CEP63: variants seen among roughly 807,000 people sequenced by gnomAD.
The protein encoded by CEP63 is centrosomal protein 63, also known as centrosomal protein of 63 kDa.
In CEP63, 84 loss-of-function variants were observed where a neutral mutation model predicts 89.1. The observed-to-expected ratio is 0.94, with a 90% CI of 0.79 to 1.13. The LOEUF is 1.13. Among genes scored for constraint, CEP63 ranks in the 50% most tolerant of loss-of-function variants. The pLI, the probability that CEP63 is intolerant of heterozygous loss-of-function variation, is 0.00. For missense variants in CEP63, 838 were observed against 813.3 expected (o/e 1.03, Z -0.37); for synonymous variants, 267 against 272.5 (o/e 0.98, Z 0.20).
chr3:134,750,447 A>T, the CEP63 span, among the ~76,000 whole-genome samples: 1 of 152,178 alleles, frequency 6.6e-6, no homozygotes, highest in African/African-American at 2.4e-5. Context: ...CATCTCTCTC[A>T]GCAGCTCATA....
chr3:134,608,966 G>T, the CEP63 span: 66 of 1,076,436 alleles, frequency 6.1e-5, no homozygotes, highest in Non-Finnish European at 8.3e-5. Flanking sequence ...CCTAACATGG[G>T]CACTGGAGAC....
chr3:134,532,692 GCT>G lies in CEP63; in HGVS notation c.319-83_319-82del, dbSNP rs933368885. On this transcript the variant is annotated intron_variant, in intron 4 of 14. Transcript: ENST00000675561. ...GTTCTCAGTAGTACTGGTTAGCACT[GCT>G]CTTGTTTTCATAATACCAATTTGTC... 1.3e-5 allele frequency: 14 copies of G among 1,102,030 alleles called. No homozygotes were observed. In the African/African-American group the frequency reaches 1.9e-4, roughly 15 times the overall value. 68.3% of individuals were successfully genotyped at this position (1,102,030 alleles called of 1,614,324 possible).
At chr3:134,498,810 T>A (rs533744628) in intron 2 of CEP63, among the ~76,000 whole-genome samples, 1 of 152,368 alleles carries the variant, frequency 6.6e-6, no homozygotes, top group South Asian at 2.1e-4. Flanking sequence ...GATGATCATA[T>A]GGTTTTTGTC....
chr3:134,663,919 G>A, the CEP63 span, among the ~76,000 whole-genome samples: 1 of 152,194 alleles, frequency 6.6e-6, no homozygotes, highest in African/African-American at 2.4e-5. Context: ...CTGCCATCCT[G>A]TCCTCCCTAC....
chr3:134,771,453 A>G, the CEP63 span, among the ~76,000 whole-genome samples: 1 of 152,174 alleles, frequency 6.6e-6, no homozygotes, highest in South Asian at 2.1e-4. Flanking sequence ...CACCTGGAGG[A>G]TTTATTAAAA....
the CEP63 span, chr3:134,651,081 C>T: frequency 5.8e-5 from 89 of 1,528,450 alleles, no homozygotes; most frequent in Non-Finnish European, 7.5e-5. Context: ...AGAGGGCGCT[C>T]CCCCGCCGCT....
intron 10 of CEP63, among the ~76,000 whole-genome samples, chr3:134,580,545 ACTTTTT>A (rs1393505305): frequency 1.3e-5 from 2 of 152,250 alleles, no homozygotes; most frequent in Non-Finnish European, 2.9e-5. Context: ...ATTCTTTTCA[ACTTTTT>A]CTTTTAGGCT....
rs1000786257 is a variant in CEP63, at chr3:134,561,923, A to C, written c.*388A>C. 5 of 1,055,132 alleles carry C rather than the reference A, an allele frequency of 4.7e-6. No individual in the cohort carries two copies. In the Admixed American group the frequency reaches 2.5e-4, roughly 53 times the overall value. 65.4% of individuals were successfully genotyped at this position (1,055,132 alleles called of 1,614,324 possible). ...TTCTTTAGGGGAAATGTGTAGAAGC[A>C]TGGATTTAGGGGTCAAACATACCTG... On this transcript the variant is annotated 3_prime_UTR_variant, in exon 15 of 15. Transcript: ENST00000675561.
chr3:134,762,635 G>T, the CEP63 span, among the ~76,000 whole-genome samples: 1 of 152,180 alleles, frequency 6.6e-6, no homozygotes, highest in Non-Finnish European at 1.5e-5. Flanking sequence ...ATAGGGAGAA[G>T]ACAGCCATTT....
the CEP63 span, among the ~76,000 whole-genome samples, chr3:134,679,252 T>C: frequency 6.6e-6 from 1 of 152,234 alleles, no homozygotes; most frequent in African/African-American, 2.4e-5. Flanking sequence ...GTTAAACCCA[T>C]TTTATTGAAG....
At chr3:134,765,921 T>C in the CEP63 span, among the ~76,000 whole-genome samples, 4 of 152,212 alleles carry the variant, frequency 2.6e-5, no homozygotes, top group Non-Finnish European at 5.9e-5. Context: ...CTACAGTGCC[T>C]GCAGCACAGA....
the CEP63 span, among the ~76,000 whole-genome samples, chr3:134,595,823 A>G: frequency 6.6e-6 from 1 of 152,190 alleles, no homozygotes; most frequent in African/African-American, 2.4e-5. Flanking sequence ...TCAGAGGATC[A>G]GCCTTGAGGA....
chr3:134,653,713 G>A, the CEP63 span, among the ~76,000 whole-genome samples: 2 of 152,176 alleles, frequency 1.3e-5, no homozygotes, highest in Non-Finnish European at 2.9e-5. Context: ...TTCAAGTAGA[G>A]GCTGTATCCC....
At chr3:134,726,455 G>GACACACACACACACAC in the CEP63 span, among the ~76,000 whole-genome samples, 1 of 51,070 alleles carries the variant, frequency 2.0e-5, no homozygotes, top group African/African-American at 4.5e-5. Flanking sequence ...CAGGCACACA[G>GACACACACACACACAC]ACAGACACAC....
chr3:134,704,425 A>G, the CEP63 span, among the ~76,000 whole-genome samples: 1 of 152,012 alleles, frequency 6.6e-6, no homozygotes, highest in Admixed American at 6.6e-5. Context: ...GGAGAGAGAG[A>G]GAGAACGAAA....
At chr3:134,769,566 T>G in the CEP63 span, among the ~76,000 whole-genome samples, 20,931 of 152,296 alleles carry the variant, frequency 0.14, 1,568 homozygotes, top group Middle Eastern at 0.18. Context: ...TGAAAATTAC[T>G]GGCCAGGTGC....
chr3:134,485,991 G>GGCC, upstream of CEP63: 183 of 937,754 alleles, frequency 2.0e-4, no homozygotes, highest in Middle Eastern at 5.4e-4. Context: ...CTCCTGCCAC[G>GGCC]CCCCCCCCCC....
At chr3:134,740,898 G>C in the CEP63 span, among the ~76,000 whole-genome samples, 1 of 152,142 alleles carries the variant, frequency 6.6e-6, no homozygotes, top group Admixed American at 6.5e-5. Flanking sequence ...TTTAATATTT[G>C]ACAACATCTT....
chr3:134,751,510 G>C, the CEP63 span, among the ~76,000 whole-genome samples: 1 of 152,252 alleles, frequency 6.6e-6, no homozygotes, highest in East Asian at 1.9e-4. Context: ...CTGCTTAGGT[G>C]GGGGTGAGAG....
Sources: allele counts gnomAD v4.1 joint callset (sites outside exome capture counted in the v4.1 genomes callset), GRCh38; gene constraint gnomAD v4.1.1; transcripts MANE v1.5; gene names NCBI Gene and HGNC (gene_info 2026-07-23, HGNC 2026-07-21).